Variants in CSMD3 observed in about 807,000 individuals in gnomAD.
CSMD3 encodes CUB and Sushi multiple domains 3.
CSMD3 carries 177 observed loss-of-function variants against 435.2 expected under a neutral mutation model. That is an observed-to-expected ratio of 0.41 (90% CI 0.36 to 0.46). CSMD3 has a LOEUF of 0.46. Ranked by LOEUF, CSMD3 falls within the 20% of genes least tolerant of loss-of-function variation. The probability of loss-of-function intolerance (pLI) is 0.34; values close to 1 mark genes in which losing one functional copy is unlikely to be tolerated. For missense variants in CSMD3, 4,265 were observed against 4,504.6 expected (o/e 0.95, Z 1.52); for synonymous variants, 1,656 against 1,520.5 (o/e 1.09, Z -2.07).
chr8:112,991,185 A>G (rs2085444566), intron 6 of CSMD3, among the ~76,000 whole-genome samples: 1 of 151,610 alleles, frequency 6.6e-6, no homozygotes, highest in Non-Finnish European at 1.5e-5. Context: ...TTAAATATAT[A>G]TATATTGCTG....
At chr8:113,414,118 G>A (rs187707941) in intron 1 of CSMD3, among the ~76,000 whole-genome samples, 177 of 152,274 alleles carry the variant, frequency 1.2e-3, no homozygotes, top group African/African-American at 4.2e-3. Context: ...ATAGATAACT[G>A]AGAGGATAAG....
intron 5 of CSMD3, among the ~76,000 whole-genome samples, chr8:113,030,417 T>TTA (rs2087046711): frequency 4.1e-5 from 1 of 24,352 alleles, no homozygotes; most frequent in Non-Finnish European, 6.8e-5. Context: ...TTGGTACTGG[T>TTA]AAAAAAAAAA....
intron 1 of CSMD3, among the ~76,000 whole-genome samples, chr8:113,326,884 G>GA (rs781697235): frequency 4.0e-5 from 6 of 151,880 alleles, no homozygotes; most frequent in Non-Finnish European, 8.8e-5. Flanking sequence ...TATATTATAG[G>GA]AAAAATCTAG....
intron 52 of CSMD3, among the ~76,000 whole-genome samples, chr8:112,304,327 T>C (rs1821210457): frequency 6.6e-6 from 1 of 151,654 alleles, no homozygotes; most frequent in Non-Finnish European, 1.5e-5. Flanking sequence ...CATTTCTCTA[T>C]CATTTATAGG....
chr8:112,720,531 C>G (rs2076834345), intron 13 of CSMD3, among the ~76,000 whole-genome samples: 1 of 152,110 alleles, frequency 6.6e-6, no homozygotes, highest in Non-Finnish European at 1.5e-5. Flanking sequence ...TTTAAACTGT[C>G]CTAGGCCTAT....
intron 13 of CSMD3, among the ~76,000 whole-genome samples, chr8:112,739,842 A>G (rs1314631974): frequency 6.6e-6 from 1 of 151,868 alleles, no homozygotes; most frequent in Non-Finnish European, 1.5e-5. Flanking sequence ...TAATAATCCA[A>G]TTTTAAAATA....
At position 113,314,614 on chromosome 8, in the gene CSMD3, A is replaced by T. The variant is rs2093895448; in HGVS notation, c.358T>A (p.Ser120Thr). ...GGATGAGGATGTCCATCATATAATG[A>T]TAAGTAGTCGTATTCTTCTTCTAGA... ...FALEEEYDYL[S>T]LYDGHPHPTN... Residue 120 changes from serine (S) to threonine (T), a missense_variant, in exon 2 of 71, where the codon TCA becomes ACA. Coordinates refer to ENST00000297405, the MANE Select transcript of CSMD3 (RefSeq NM_198123.2). 6.2e-7 allele frequency: 1 copy of T among 1,610,080 alleles called. No homozygotes were observed. The highest frequency in any genetic ancestry group is 8.5e-7 in the Non-Finnish European group (1 of 1,176,658).
At chr8:112,452,937 C>T (rs1289908888) in intron 32 of CSMD3, among the ~76,000 whole-genome samples, 1 of 152,100 alleles carries the variant, frequency 6.6e-6, no homozygotes, top group African/African-American at 2.4e-5. Flanking sequence ...AAGCAATGGC[C>T]TAAATGATGT....
At chr8:112,293,766 A>T (rs1223619985) in intron 54 of CSMD3, among the ~76,000 whole-genome samples, 1 of 152,150 alleles carries the variant, frequency 6.6e-6, no homozygotes, top group Non-Finnish European at 1.5e-5. Flanking sequence ...CTTCAGTAAT[A>T]GTGCTTCCTA....
intron 3 of CSMD3, among the ~76,000 whole-genome samples, chr8:113,180,977 G>T (rs565682954): frequency 2.0e-5 from 3 of 152,056 alleles, no homozygotes; most frequent in African/African-American, 7.2e-5. Flanking sequence ...CTTCAAAAAG[G>T]TTCAGAGTTG....
In CSMD3 at chr8:112,768,643, AC is replaced by A. The variant is rs142550068; in HGVS notation, c.1972+31518del. Among the ~76,000 whole-genome samples the A allele has an allele frequency of 2.0e-5, 3 of 152,050 alleles. No individual in the cohort carries two copies. The East Asian group carries it at 5.8e-4, about 30-fold the overall frequency. Reference sequence around the variant, plus strand: ...GCTCACGTACAGCTTGTAGAACAGTACTTTGAGTAGTAGTGGACTAGACTTT... The same window carrying A: ...GCTCACGTACAGCTTGTAGAACAGTATTTGAGTAGTAGTGGACTAGACTTT... On this transcript the variant is annotated intron_variant, in intron 13 of 70. Coordinates refer to ENST00000297405, the MANE Select transcript of CSMD3 (RefSeq NM_198123.2).
intron 69 of CSMD3, among the ~76,000 whole-genome samples, chr8:112,229,957 A>G (rs939578559): frequency 4.6e-5 from 7 of 152,106 alleles, no homozygotes; most frequent in African/African-American, 1.7e-4. Context: ...AATAGATTTG[A>G]GGAAGATTTC....
At chr8:112,983,109 G>A (rs1484604589) in intron 6 of CSMD3, among the ~76,000 whole-genome samples, 1 of 151,798 alleles carries the variant, frequency 6.6e-6, no homozygotes, top group Admixed American at 6.6e-5. Flanking sequence ...TATAATGATA[G>A]TATTTGTTTA....
intron 3 of CSMD3, among the ~76,000 whole-genome samples, chr8:113,253,405 T>A (rs971009984): frequency 5.9e-5 from 9 of 151,960 alleles, no homozygotes; most frequent in African/African-American, 2.2e-4. Context: ...CAGGCCCCGG[T>A]GTGTGATGTT....
intron 17 of CSMD3, among the ~76,000 whole-genome samples, chr8:112,660,488 T>A (rs1409545427): frequency 1.3e-5 from 2 of 152,148 alleles, no homozygotes; most frequent in African/African-American, 4.8e-5. Context: ...GCATATGGAA[T>A]ATAGACAGCC....
At position 112,292,585 on chromosome 8, in the gene CSMD3, G is replaced by A. The variant is rs2130688595; in HGVS notation, c.8740C>T (p.Gln2914Ter). 6.2e-7 allele frequency: 1 copy of A among 1,613,786 alleles called. No individual in the cohort carries two copies. The highest frequency in any genetic ancestry group is 8.5e-7 in the Non-Finnish European group (1 of 1,179,776). Residue 2914 changes from glutamine to a stop codon, truncating the protein, a stop_gained, in exon 55 of 71, where the codon CAG becomes TAG. Transcript: ENST00000297405. LOFTEE classifies it high-confidence loss of function. Reference sequence around the variant, plus strand: ...CTCCACTGTCTGTTGGCCTGGCACTGTGCCTTTGTTGGCCCTTGCATAAGA... The same window carrying A: ...CTCCACTGTCTGTTGGCCTGGCACTATGCCTTTGTTGGCCCTTGCATAAGA... ...GYLMQGPTKAQCQANRQWSHP... is the reference protein window; with the variant it reads ...GYLMQGPTKA
intron 66 of CSMD3, among the ~76,000 whole-genome samples, chr8:112,239,596 A>G: frequency 6.6e-6 from 1 of 152,060 alleles, no homozygotes; most frequent in South Asian, 2.1e-4. Flanking sequence ...AATTTTAACC[A>G]GTTCTTTATT....
At chr8:113,137,220 T>C (rs766472251) in intron 4 of CSMD3, among the ~76,000 whole-genome samples, 5 of 151,606 alleles carry the variant, frequency 3.3e-5, no homozygotes, top group Admixed American at 1.3e-4. Context: ...CAATACAACG[T>C]TGTTAACTAA....
chr8:113,195,540 G>A (rs1299342409), intron 3 of CSMD3, among the ~76,000 whole-genome samples: 1 of 150,296 alleles, frequency 6.7e-6, no homozygotes, highest in African/African-American at 2.4e-5. Context: ...CTCAAGTATT[G>A]CAGGAATGCT....
Sources: allele counts gnomAD v4.1 joint callset (sites outside exome capture counted in the v4.1 genomes callset), GRCh38; gene constraint gnomAD v4.1.1; transcripts MANE v1.5; gene names NCBI Gene and HGNC (gene_info 2026-07-23, HGNC 2026-07-21).